VWF: variants seen among roughly 807,000 people sequenced by gnomAD.
VWF encodes von Willebrand factor, also known as Factor VIII related antigen.
VWF carries 176 observed loss-of-function variants against 308.6 expected under a neutral mutation model. The observed-to-expected ratio is 0.57, with a 90% CI of 0.50 to 0.65. The LOEUF is 0.65. VWF is among the 30% of genes least tolerant of loss of function. The pLI, the probability that VWF is intolerant of heterozygous loss-of-function variation, is 0.00. For missense variants in VWF, 3,146 were observed against 3,648.2 expected, an observed-to-expected ratio of 0.86 and a Z score of 3.55; for synonymous variants, 1,385 against 1,443.4, an observed-to-expected ratio of 0.96 and a Z score of 0.92.
chr12:6,049,246 C>T (rs1236751320), intron 16 of VWF, among the ~76,000 whole-genome samples: 4 of 152,170 alleles, frequency 2.6e-5, no homozygotes, highest in Admixed American at 6.5e-5. Context: ...ACACCTTCTC[C>T]GTGAAACCCA....
intron 38 of VWF, among the ~76,000 whole-genome samples, chr12:5,986,178 G>C (rs895849401): frequency 1.3e-5 from 2 of 152,188 alleles, no homozygotes; most frequent in Non-Finnish European, 2.9e-5. Context: ...CCAGGGCAGA[G>C]AGCAGCCTTC....
chr12:6,016,875 A>G lies in VWF; in HGVS notation c.5054-5T>C. The stretch of plus-strand genomic sequence containing the variant: ...CGTCCAGGGGCTGGCTGCAGTCTGC[A>G]AAGACAACCAGGAAGGTGAGCACAC... On this transcript the variant is annotated splice_polypyrimidine_tract_variant and splice_region_variant and intron_variant, in intron 28 of 51. Transcript: ENST00000261405. The G allele has an allele frequency of 1.9e-6, 3 of 1,613,830 alleles. No individual in the cohort carries two copies. The highest frequency in any genetic ancestry group is 2.5e-6 in the Non-Finnish European group (3 of 1,179,838).
chr12:6,097,279 A>G (rs1264724570), intron 5 of VWF, among the ~76,000 whole-genome samples: 1 of 152,126 alleles, frequency 6.6e-6, no homozygotes, highest in East Asian at 1.9e-4. Flanking sequence ...TACTAAAAAT[A>G]CAAAAAAATT....
intron 18 of VWF, among the ~76,000 whole-genome samples, chr12:6,038,766 C>G (rs949410781): frequency 6.6e-6 from 1 of 152,208 alleles, no homozygotes; most frequent in African/African-American, 2.4e-5. Flanking sequence ...TAAGTGAGGA[C>G]TGCTATGAAG....
intron 28 of VWF, 55 bp from the exon 29 acceptor site, chr12:6,016,925 C>T (rs1276504033): frequency 4.5e-6 from 7 of 1,562,188 alleles, no homozygotes; most frequent in Non-Finnish European, 6.2e-6. Flanking sequence ...ACAATGGCCA[C>T]CAGGCCTACA....
intron 27 of VWF, chr12:6,021,668 A>C: frequency 1.9e-6 from 1 of 535,820 alleles, no homozygotes; most frequent in Non-Finnish European, 3.2e-6. Flanking sequence ...CTGTGGAGGA[A>C]TATATGTGGA....
In VWF at chr12:6,093,013, A is replaced by G. The variant is rs1945067854; in HGVS notation, c.657+2447T>C. ...GAAGTGCCTGCTTTCAGTTTCTACCAGAGGCTACACTTCCCAGCCTGCAGG... is the reference window on the plus strand; with the variant it reads ...GAAGTGCCTGCTTTCAGTTTCTACCGGAGGCTACACTTCCCAGCCTGCAGG... On this transcript the variant is annotated intron_variant, in intron 6 of 51. Transcript: ENST00000261405. Among the ~76,000 whole-genome samples the G allele has an allele frequency of 1.3e-5, 2 of 151,934 alleles. 1 individual carries two copies. The highest frequency in any genetic ancestry group is 4.2e-4 in the South Asian group (2 of 4,812).
intron 10 of VWF, among the ~76,000 whole-genome samples, chr12:6,068,835 C>CGTGTGTGTGT (rs34977515): frequency 5.0e-4 from 46 of 91,308 alleles, no homozygotes; most frequent in African/African-American, 1.7e-3. Flanking sequence ...TTTTTTTTTG[C>CGTGTGTGTGT]GTGTGTGTGT....
chr12:6,015,838 G>A (rs1944049948), intron 31 of VWF, among the ~76,000 whole-genome samples: 1 of 152,150 alleles, frequency 6.6e-6, no homozygotes, highest in Non-Finnish European at 1.5e-5. Flanking sequence ...GACACAAAGG[G>A]AAAATGTGGA....
intron 47 of VWF, among the ~76,000 whole-genome samples, chr12:5,957,711 A>G (rs958291859): frequency 9.9e-5 from 15 of 152,198 alleles, no homozygotes; most frequent in Admixed American, 5.2e-4. Context: ...ATGAAATCTT[A>G]GAAATGTGTT....
At chr12:6,095,409 G>A in intron 6 of VWF, 51 bp downstream of exon 6, 1 of 1,612,974 alleles carries the variant, frequency 6.2e-7, no homozygotes, top group Non-Finnish European at 8.5e-7. Flanking sequence ...CTGTCTTTTA[G>A]ATCCAGAAAT....
chr12:6,042,431 G>A (rs216290), intron 18 of VWF, among the ~76,000 whole-genome samples: 127,154 of 152,206 alleles, frequency 0.84, 53,350 homozygotes, highest in Admixed American at 0.88. Flanking sequence ...TTTGTGTTAT[G>A]GCCAAGAACA....
At position 6,016,662 on chromosome 12, in the gene VWF, CG is replaced by C. The variant is rs1409880942; in HGVS notation, c.5171-7del. 1.2e-5 allele frequency: 20 copies of C among 1,614,066 alleles called. No homozygotes were observed. The highest frequency in any genetic ancestry group is 1.6e-5 in the Non-Finnish European group (19 of 1,180,050). On this transcript the variant is annotated splice_polypyrimidine_tract_variant and splice_region_variant and intron_variant, in intron 29 of 51. Transcript: ENST00000261405. Reference sequence around the variant, plus strand: ...CACCTGAGTGAGACGAGGCCCTAAACGGAACGAGAAAATGCGGATTATTTTG... The same window carrying C: ...CACCTGAGTGAGACGAGGCCCTAAACGAACGAGAAAATGCGGATTATTTTG...
chr12:6,092,616 A>AGAGTGTGT (rs776235015), intron 6 of VWF, among the ~76,000 whole-genome samples: 2 of 96,622 alleles, frequency 2.1e-5, no homozygotes, highest in Non-Finnish European at 4.1e-5. Flanking sequence ...TGAGTGAGTG[A>AGAGTGTGT]GAGTGTGTGT....
rs370234530 is a variant in VWF at position 6,110,796 on chromosome 12, C to T, written c.323+70G>A. On this transcript the variant is annotated intron_variant, in intron 4 of 51. Transcript: ENST00000261405. ...TCCATTCTCTGGGCCCCAGCTTCCT[C>T]ATCTAAAAATGAGGGGGTTGTGTCA... is the stretch of plus-strand genomic sequence containing the variant. 1.4e-5 allele frequency: 21 copies of T among 1,523,396 alleles called. No homozygotes were observed. The East Asian group carries it at 3.8e-4, about 28-fold the overall frequency. The allele number at this position is 1,523,396 out of a possible 1,614,324, so 94.4% of individuals were successfully genotyped here. A position where few individuals can be genotyped will look rare whatever the true frequency, so the allele number is the denominator to read the frequency against.
At chr12:5,996,267 C>A in intron 34 of VWF, 45 bp from the exon 35 acceptor site, 1 of 1,552,904 alleles carries the variant, frequency 6.4e-7, no homozygotes, top group Non-Finnish European at 8.8e-7. Flanking sequence ...TATCCAAACC[C>A]CCATGCCTAC....
At chr12:6,107,096 T>C (rs1945253322) in intron 5 of VWF, among the ~76,000 whole-genome samples, 1 of 152,164 alleles carries the variant, frequency 6.6e-6, no homozygotes, top group African/African-American at 2.4e-5. Flanking sequence ...AAACTACTGA[T>C]ACATGCACCA....
chr12:5,993,714 C>G, intron 37 of VWF, 148 bp downstream of exon 37: 1 of 666,424 alleles, frequency 1.5e-6, no homozygotes, highest in Non-Finnish European at 2.6e-6. Context: ...TATCTTCCAT[C>G]TTATTTGATC....
At chr12:6,037,205 A>C (rs1459265498) in intron 18 of VWF, among the ~76,000 whole-genome samples, 1 of 152,092 alleles carries the variant, frequency 6.6e-6, no homozygotes, top group East Asian at 1.9e-4. Context: ...GGAGGATTTT[A>C]TTTTCTTTTT....
Sources: allele counts gnomAD v4.1 joint callset (sites outside exome capture counted in the v4.1 genomes callset), GRCh38; gene constraint gnomAD v4.1.1; transcripts MANE v1.5; gene names NCBI Gene and HGNC (gene_info 2026-07-23, HGNC 2026-07-21).